DLGAP1: variants seen among roughly 807,000 people sequenced by gnomAD.
The protein encoded by DLGAP1 is disks large-associated protein 1.
A neutral mutation model predicts 90.8 loss-of-function variants in DLGAP1; 11 were observed. The ratio of observed to expected loss-of-function variants is 0.12; its 90% CI spans 0.08 to 0.20. The LOEUF is 0.20. Among genes scored for constraint, DLGAP1 ranks in the 10% least tolerant of loss-of-function variants. DLGAP1 has a pLI of 1.00. For synonymous variants in DLGAP1, 558 were observed against 540.7 expected (o/e 1.03, Z -0.44); for missense variants, 1,050 against 1,333.8 (o/e 0.79, Z 3.31).
At chr18:4,161,691 C>T (rs538336505) in intron 1 of DLGAP1, among the ~76,000 whole-genome samples, 8 of 152,228 alleles carry the variant, frequency 5.3e-5, no homozygotes, top group African/African-American at 1.7e-4. Context: ...ATCTTACTTC[C>T]GAGCCTGTGT....
chr18:4,193,594 G>A, intron 1 of DLGAP1, among the ~76,000 whole-genome samples: 1 of 152,162 alleles, frequency 6.6e-6, no homozygotes, highest in East Asian at 1.9e-4. Flanking sequence ...TTTTTGGTTA[G>A]AAAAGACTTG....
chr18:3,508,744 G>A (rs972769165), intron 10 of DLGAP1, 83 bp from the exon 11 acceptor site: 4 of 1,156,406 alleles, frequency 3.5e-6, no homozygotes, highest in Non-Finnish European at 5.0e-6. Flanking sequence ...AGGAAGTTAT[G>A]CTGTAATAAT....
intron 1 of DLGAP1, among the ~76,000 whole-genome samples, chr18:4,239,653 T>G (rs1476830790): frequency 2.6e-5 from 4 of 152,200 alleles, no homozygotes; most frequent in Admixed American, 2.0e-4. Context: ...ACAACTAAAT[T>G]GTAGCATCTC....
In DLGAP1 at chr18:3,567,132, G is replaced by T. The variant is rs971405451; in HGVS notation, c.2057+358C>A. Among the ~76,000 whole-genome samples, 37 of 151,886 alleles carry T rather than the reference G, an allele frequency of 2.4e-4. 2 individuals carry two copies. Among genetic ancestry groups the T allele is most frequent in the Non-Finnish European group, 4.4e-5 (3 of 67,982 alleles). On this transcript the variant is annotated intron_variant, in intron 9 of 12. Coordinates refer to ENST00000315677, the MANE Select transcript of DLGAP1 (RefSeq NM_004746.4). ...AACACCAGACACTATTAAGTGTTGGGAATAGAAATAGAAATAAGGTAAGTT... is the reference window on the plus strand; with the variant it reads ...AACACCAGACACTATTAAGTGTTGGTAATAGAAATAGAAATAAGGTAAGTT...
intron 1 of DLGAP1, among the ~76,000 whole-genome samples, chr18:4,163,833 T>A (rs541380489): frequency 6.6e-6 from 1 of 152,330 alleles, no homozygotes; most frequent in African/African-American, 2.4e-5. Context: ...CTTTTCCATT[T>A]TGATGTTTTC....
At chr18:4,315,537 T>G (rs1475669129) in intron 1 of DLGAP1, among the ~76,000 whole-genome samples, 1 of 152,216 alleles carries the variant, frequency 6.6e-6, no homozygotes, top group Non-Finnish European at 1.5e-5. Context: ...AGTAGACAAG[T>G]AAAAAGTTAC....
At chr18:4,034,196 C>T (rs1285403239) in intron 2 of DLGAP1, among the ~76,000 whole-genome samples, 1 of 152,038 alleles carries the variant, frequency 6.6e-6, no homozygotes, top group African/African-American at 2.4e-5. Context: ...CGCCCACCAC[C>T]ACGCCTGGCT....
intron 8 of DLGAP1, among the ~76,000 whole-genome samples, chr18:3,579,173 T>A (rs1266235714): frequency 1.3e-5 from 2 of 152,180 alleles, no homozygotes; most frequent in Non-Finnish European, 2.9e-5. Context: ...AATGTGAATG[T>A]CCTTAGTGCC....
chr18:3,675,579 C>A (rs2060268975), intron 7 of DLGAP1, among the ~76,000 whole-genome samples: 1 of 152,152 alleles, frequency 6.6e-6, no homozygotes, highest in South Asian at 2.1e-4. Flanking sequence ...TGCAGTGGTA[C>A]CCTACAGTTT....
At chr18:4,269,544 CG>C (rs1243165463) in intron 1 of DLGAP1, among the ~76,000 whole-genome samples, 1 of 151,528 alleles carries the variant, frequency 6.6e-6, no homozygotes, top group African/African-American at 2.4e-5. Context: ...TTAGTAGAGA[CG>C]GGGTTTCACC....
chr18:3,886,929 A>T (rs2071332328), intron 3 of DLGAP1, among the ~76,000 whole-genome samples: 1 of 152,176 alleles, frequency 6.6e-6, no homozygotes. Context: ...GTGAATAGTG[A>T]TCTTTCCCAT....
At chr18:4,049,597 A>T (rs191723402) in intron 2 of DLGAP1, among the ~76,000 whole-genome samples, 1 of 152,232 alleles carries the variant, frequency 6.6e-6, no homozygotes, top group Admixed American at 6.5e-5. Flanking sequence ...TTTCTGGTAA[A>T]CTGCTAAGCA....
rs111848087 is a variant in DLGAP1 at position 4,219,751 on chromosome 18, GT to G, written c.-266-68465del. ...TTGAAGAGGCTGTCCCTTCTCTATTGTGAGTTTTTGGTACCTTTGTCAAAAA... is the reference window on the plus strand; with the variant it reads ...TTGAAGAGGCTGTCCCTTCTCTATTGGAGTTTTTGGTACCTTTGTCAAAAA... On this transcript the variant is annotated intron_variant, in intron 1 of 12. Transcript: ENST00000315677. Among the ~76,000 whole-genome samples, 976 of 152,124 alleles carry G rather than the reference GT, an allele frequency of 6.4e-3. 8 individuals are homozygous for G. The highest frequency in any genetic ancestry group is 0.022 in the African/African-American group (910 of 41,530).
chr18:4,107,948 G>T (rs2075899326), intron 2 of DLGAP1, among the ~76,000 whole-genome samples: 1 of 152,110 alleles, frequency 6.6e-6, no homozygotes, highest in South Asian at 2.1e-4. Context: ...TATAGATGGG[G>T]TGCAGAAAAT....
At chr18:4,076,599 C>T (rs1377868781) in intron 2 of DLGAP1, among the ~76,000 whole-genome samples, 1 of 151,980 alleles carries the variant, frequency 6.6e-6, no homozygotes, top group Non-Finnish European at 1.5e-5. Context: ...TCTCACAACA[C>T]TCTGTTTTCT....
At chr18:3,781,338 G>C (rs1485788662) in intron 5 of DLGAP1, among the ~76,000 whole-genome samples, 1 of 150,318 alleles carries the variant, frequency 6.7e-6, no homozygotes, top group African/African-American at 2.5e-5. Flanking sequence ...GACAGAAATT[G>C]TAGCAGCTTT....
intron 4 of DLGAP1, among the ~76,000 whole-genome samples, chr18:3,869,661 G>A (rs2070624938): frequency 6.6e-6 from 1 of 152,222 alleles, no homozygotes; most frequent in African/African-American, 2.4e-5. Context: ...CACCCACACT[G>A]TGATTAAGAC....
rs530711002 is a variant in DLGAP1, at chr18:3,666,084, C to A, written c.1591+63051G>T. ...TGGGCACCGGGGGAAGAGAGCCCCGCGGTCAGGCAGAGGACGCAACAGAGT... is the reference window on the plus strand; with the variant it reads ...TGGGCACCGGGGGAAGAGAGCCCCGAGGTCAGGCAGAGGACGCAACAGAGT... On this transcript the variant is annotated intron_variant, in intron 7 of 12. Transcript: ENST00000315677. Among the ~76,000 whole-genome samples the A allele has an allele frequency of 9.8e-4, 149 of 152,192 alleles. 1 individual carries two copies. The highest frequency in any genetic ancestry group is 3.3e-3 in the African/African-American group (137 of 41,522).
chr18:3,927,565 A>G (rs2072420095), intron 3 of DLGAP1, among the ~76,000 whole-genome samples: 3 of 152,246 alleles, frequency 2.0e-5, no homozygotes, highest in Admixed American at 1.3e-4. Context: ...ATAAATTTTT[A>G]TCGTATCAGC....
Sources: allele counts gnomAD v4.1 joint callset (sites outside exome capture counted in the v4.1 genomes callset), GRCh38; gene constraint gnomAD v4.1.1; transcripts MANE v1.5; gene names NCBI Gene and HGNC (gene_info 2026-07-23, HGNC 2026-07-21).